Variants in CLEC16A observed in about 807,000 individuals in gnomAD.
CLEC16A encodes the protein protein CLEC16A.
CLEC16A carries 51 observed loss-of-function variants against 109.5 expected under a neutral mutation model. That is an observed-to-expected ratio of 0.47 (90% CI 0.37 to 0.59). The LOEUF (loss-of-function observed/expected upper bound fraction) is 0.59. CLEC16A is among the 20% of genes least tolerant of loss of function. CLEC16A has a pLI of 0.00. For synonymous variants in CLEC16A, 673 were observed against 564.2 expected (o/e 1.19, Z -2.73); for missense variants, 1,339 against 1,394.0 (o/e 0.96, Z 0.63).
chr16:11,013,656 G>A (rs956649188), intron 11 of CLEC16A, among the ~76,000 whole-genome samples: 2 of 152,206 alleles, frequency 1.3e-5, no homozygotes, highest in Non-Finnish European at 2.9e-5. Context: ...TATTCGGGGA[G>A]GCTGAGGCTG....
At chr16:11,172,014 A>G (rs1420241077) in intron 23 of CLEC16A, among the ~76,000 whole-genome samples, 1 of 152,034 alleles carries the variant, frequency 6.6e-6, no homozygotes, top group Non-Finnish European at 1.5e-5. Context: ...ACACACTCAC[A>G]CTTACAAATG....
chr16:10,959,438 C>T (rs113433437), intron 2 of CLEC16A, among the ~76,000 whole-genome samples: 15,534 of 152,280 alleles, frequency 0.1, 761 homozygotes, highest in East Asian at 0.12. Flanking sequence ...GTCATCCAGG[C>T]TGGAGTGCAT....
chr16:10,978,684 A>G (rs900311013), intron 8 of CLEC16A, among the ~76,000 whole-genome samples: 43 of 152,296 alleles, frequency 2.8e-4, no homozygotes, highest in African/African-American at 9.6e-4. Context: ...AGAAGACTAT[A>G]AAGGTGAATA....
chr16:10,949,755 G>C lies in CLEC16A; in HGVS notation c.80+4958G>C, dbSNP rs531697262. On this transcript the variant is annotated intron_variant, in intron 1 of 23. Transcript: ENST00000409790. ...GGCAGAATGGATTGGATGAGGGGCAGACTGGAGGTGGGCCTCCACATGTGT... is the reference window on the plus strand; with the variant it reads ...GGCAGAATGGATTGGATGAGGGGCACACTGGAGGTGGGCCTCCACATGTGT... 5.3e-5 allele frequency among the ~76,000 whole-genome samples: 8 copies of C among 152,338 alleles called. No individual in the cohort carries two copies. The South Asian group carries it at 6.2e-4, about 12-fold the overall frequency.
intron 11 of CLEC16A, among the ~76,000 whole-genome samples, chr16:11,005,027 G>C (rs943230881): frequency 6.6e-6 from 1 of 152,142 alleles, no homozygotes; most frequent in Non-Finnish European, 1.5e-5. Context: ...TGCCACACTG[G>C]GGGAGAAATG....
intron 19 of CLEC16A, among the ~76,000 whole-genome samples, chr16:11,117,331 A>G (rs1433154440): frequency 6.6e-6 from 1 of 152,248 alleles, no homozygotes; most frequent in African/African-American, 2.4e-5. Context: ...TAATAAAACT[A>G]TGAAGAAACA....
chr16:11,178,245 G>A lies in CLEC16A; in HGVS notation c.2807-90G>A. The A allele has an allele frequency of 8.4e-7, 1 of 1,197,440 alleles. No individual in the cohort carries two copies. The allele number at this position is 1,197,440 out of a possible 1,614,324, so 74.2% of individuals were successfully genotyped here. On this transcript the variant is annotated intron_variant, in intron 23 of 23. Transcript: ENST00000409790. This position sits in a 1 kb window ranked among gnomAD's most constrained non-coding sequence, Gnocchi z 6.5. ...CAGCCACCTCCCACCTAGCTCACCA[G>A]GGCCGCGGTTCAGGATGGGAGCACA... is the stretch of plus-strand genomic sequence containing the variant.
intron 19 of CLEC16A, among the ~76,000 whole-genome samples, chr16:11,116,589 C>T (rs145798860): frequency 1.4e-4 from 21 of 151,998 alleles, no homozygotes; most frequent in Admixed American, 9.2e-4. Flanking sequence ...GTTACACTGT[C>T]GGAGGATTGA....
intron 22 of CLEC16A, among the ~76,000 whole-genome samples, chr16:11,156,321 G>C (rs914206934): frequency 4.0e-5 from 6 of 148,416 alleles, no homozygotes; most frequent in South Asian, 2.2e-4. Flanking sequence ...TCTGAGCCAG[G>C]ATTGTGCCAC....
rs1441087334 is a variant in CLEC16A at position 11,174,786 on chromosome 16, A to G, written c.2807-3549A>G. Among the ~76,000 whole-genome samples the G allele has an allele frequency of 1.3e-5, 2 of 152,146 alleles. No individual in the cohort carries two copies. Among genetic ancestry groups the G allele is most frequent in the African/African-American group, 2.4e-5 (1 of 41,430 alleles). On this transcript the variant is annotated intron_variant, in intron 23 of 23. Transcript: ENST00000409790. The surrounding 1 kb of genome is among the most constrained non-coding windows in gnomAD (Gnocchi z 4.7). ...AAGTGGCAAATTCAGTCCTGTTTTG[A>G]CCGGAAGCCAAGAGCCATTTCCCTC... is the stretch of plus-strand genomic sequence containing the variant.
rs114182272 is a variant in CLEC16A, at chr16:10,992,901, A to G, written c.1071+9910A>G. Among the ~76,000 whole-genome samples the G allele has an allele frequency of 8.0e-3, 1,221 of 152,238 alleles. 20 individuals carry two copies. The highest frequency in any genetic ancestry group is 0.028 in the African/African-American group (1,160 of 41,544). ...GGGAAGCCCTCTAAGGAGGGAGCCT[A>G]ATATTGAGAACTGAGGTCAGGGAGC... On this transcript the variant is annotated intron_variant, in intron 10 of 23. Coordinates refer to ENST00000409790, the MANE Select transcript of CLEC16A (RefSeq NM_015226.3).
At chr16:10,950,476 G>A (rs897562457) in intron 1 of CLEC16A, among the ~76,000 whole-genome samples, 2 of 152,174 alleles carry the variant, frequency 1.3e-5, no homozygotes, top group South Asian at 4.1e-4. Context: ...CCTAAAGAAA[G>A]CTAGGGTATA....
At chr16:11,111,369 C>T (rs1343322947) in intron 19 of CLEC16A, among the ~76,000 whole-genome samples, 1 of 152,178 alleles carries the variant, frequency 6.6e-6, no homozygotes, top group Non-Finnish European at 1.5e-5. Context: ...TGGGTGTCTC[C>T]ATGGCTACTT....
intron 10 of CLEC16A, among the ~76,000 whole-genome samples, chr16:10,983,501 G>A (rs1036713174): frequency 6.6e-6 from 1 of 152,172 alleles, no homozygotes; most frequent in South Asian, 2.1e-4. Flanking sequence ...CTAGAGAAGC[G>A]GGAAAAACGC....
At chr16:11,103,425 C>G (rs1208106931) in intron 19 of CLEC16A, among the ~76,000 whole-genome samples, 1 of 152,098 alleles carries the variant, frequency 6.6e-6, no homozygotes, top group Non-Finnish European at 1.5e-5. Context: ...ACTGAAAATA[C>G]AAAAATTAGC....
intron 19 of CLEC16A, among the ~76,000 whole-genome samples, chr16:11,067,183 G>GTT (rs1459178844): frequency 1.9e-5 from 2 of 104,824 alleles, no homozygotes; most frequent in Non-Finnish European, 3.8e-5. Context: ...TTTTTTGTTT[G>GTT]TTTTTGTTTT....
intron 16 of CLEC16A, among the ~76,000 whole-genome samples, chr16:11,045,568 A>T (rs1434516687): frequency 1.3e-5 from 2 of 152,106 alleles, no homozygotes; most frequent in African/African-American, 4.8e-5. Flanking sequence ...TGGGGAGCAG[A>T]AACACTCAGG....
intron 1 of CLEC16A, among the ~76,000 whole-genome samples, chr16:10,952,516 A>C (rs756789929): frequency 6.6e-6 from 1 of 152,266 alleles, no homozygotes; most frequent in Non-Finnish European, 1.5e-5. Context: ...AACAACAAAA[A>C]GTTATTAAAA....
chr16:11,039,943 C>T, intron 14 of CLEC16A, 67 bp downstream of exon 14: 1 of 1,556,118 alleles, frequency 6.4e-7, no homozygotes, highest in Non-Finnish European at 8.7e-7. Context: ...CCACTGGGAG[C>T]CTGAGCCCTG....
Sources: allele counts gnomAD v4.1 joint callset (sites outside exome capture counted in the v4.1 genomes callset), GRCh38; gene constraint gnomAD v4.1.1; non-coding constraint Gnocchi (gnomAD v3.1); transcripts MANE v1.5; gene names NCBI Gene and HGNC (gene_info 2026-07-23, HGNC 2026-07-21).